IL2RA: variants seen among roughly 807,000 people sequenced by gnomAD.
IL2RA encodes the protein interleukin-2 receptor subunit alpha.
IL2RA carries 24 observed loss-of-function variants against 37.8 expected under a neutral mutation model. The ratio of observed to expected loss-of-function variants is 0.63; its 90% CI spans 0.46 to 0.89. The LOEUF is 0.89. IL2RA is among the 40% of genes least tolerant of loss of function. The pLI, the probability that IL2RA is intolerant of heterozygous loss-of-function variation, is 0.00. For synonymous variants in IL2RA, 125 were observed against 114.6 expected (o/e 1.09, Z -0.58); for missense variants, 319 against 348.6 (o/e 0.92, Z 0.68).
rs1054674715 is a variant in IL2RA at position 6,028,185 on chromosome 10, C to T, written c.65-2160G>A. Among the ~76,000 whole-genome samples, 3 of 152,004 alleles carry T rather than the reference C, an allele frequency of 2.0e-5. No individual in the cohort carries two copies. Among genetic ancestry groups the T allele is most frequent in the Non-Finnish European group, 2.9e-5 (2 of 68,026 alleles). ...AACCCAAGCAGAGTGGTTTCATTGA[C>T]GTGACATGACTGGGATTTGTGGGGT... is the stretch of plus-strand genomic sequence containing the variant. On this transcript the variant is annotated intron_variant, in intron 1 of 7. Transcript: ENST00000379959. This position sits in a 1 kb window ranked among gnomAD's most constrained non-coding sequence, Gnocchi z 4.1.
At position 6,021,650 on chromosome 10, in the gene IL2RA, C is replaced by T. The variant is rs546465474; in HGVS notation, c.411G>A (p.Glu137=). The T allele has an allele frequency of 1.2e-6, 2 of 1,614,164 alleles. No homozygotes were observed. The highest frequency in any genetic ancestry group is 2.2e-5 in the East Asian group (1 of 44,884). The change falls in exon 4 of 8, where the codon GAG becomes GAA. Residue 137 remains glutamate, a synonymous_variant. Coordinates refer to ENST00000379959, the MANE Select transcript of IL2RA (RefSeq NM_000417.3). This position sits in a 1 kb window ranked among gnomAD's most constrained non-coding sequence, Gnocchi z 4.9. ...GCCCCACCACGAAATGATAAATTCT[C>T]TCTGTGGCTTCATTTTCCCATGGTG... The part of the protein sequence containing the change: ...EPPPWENEAT[E]RIYHFVVGQM...
intron 1 of IL2RA, among the ~76,000 whole-genome samples, chr10:6,061,581 A>G (rs982982356): frequency 7.9e-5 from 12 of 152,172 alleles, no homozygotes; most frequent in Non-Finnish European, 1.8e-4. Flanking sequence ...TTATTTCCTA[A>G]GACGTAAAAG....
At chr10:6,041,589 T>C (rs1839772893) in intron 1 of IL2RA, among the ~76,000 whole-genome samples, 1 of 151,996 alleles carries the variant, frequency 6.6e-6, no homozygotes, top group Non-Finnish European at 1.5e-5. Context: ...CATAAATAAG[T>C]CCAAATGTAG....
In IL2RA at chr10:6,020,222, C is replaced by A. The variant is rs1047513021; in HGVS notation, c.584-281G>T. Among the ~76,000 whole-genome samples, 3 of 152,208 alleles carry A rather than the reference C, an allele frequency of 2.0e-5. No individual in the cohort carries two copies. The highest frequency in any genetic ancestry group is 7.2e-5 in the African/African-American group (3 of 41,454). On this transcript the variant is annotated intron_variant, in intron 4 of 7. Transcript: ENST00000379959. The surrounding 1 kb of genome is among the most constrained non-coding windows in gnomAD (Gnocchi z 5.6). ...TTTCTCCCCAGCCTCCCTCCCCAGT[C>A]CTGGTTTCCATCTGTGACTTGGAAA...
At position 6,022,128 on chromosome 10, in the gene IL2RA, C is replaced by A. The variant is rs978400721; in HGVS notation, c.368-435G>T. ...CTCAAGCCTATTTGGGCCAATGGAG[C>A]ATGAAGACCACCTTGGATTTCTGCT... On this transcript the variant is annotated intron_variant, in intron 3 of 7. Coordinates refer to ENST00000379959, the MANE Select transcript of IL2RA (RefSeq NM_000417.3). This position sits in a 1 kb window ranked among gnomAD's most constrained non-coding sequence, Gnocchi z 4.7. Among the ~76,000 whole-genome samples the A allele has an allele frequency of 1.3e-5, 2 of 152,032 alleles. No individual in the cohort carries two copies. Among genetic ancestry groups the A allele is most frequent in the Non-Finnish European group, 2.9e-5 (2 of 68,020 alleles).
intron 1 of IL2RA, among the ~76,000 whole-genome samples, chr10:6,040,543 A>G (rs972908179): frequency 4.6e-5 from 7 of 152,310 alleles, no homozygotes; most frequent in African/African-American, 1.7e-4. Context: ...ATACACTTTT[A>G]TATATAATTT....
Position 6,018,203 on chromosome 10 carries a change from G to C in IL2RA, c.728-84C>G. 1 of 1,043,806 alleles carries C rather than the reference G, an allele frequency of 9.6e-7. No homozygotes were observed. The highest frequency in any genetic ancestry group is 1.5e-6 in the Non-Finnish European group (1 of 670,148). 64.7% of individuals were successfully genotyped at this position (1,043,806 alleles called of 1,614,324 possible). A position where few individuals can be genotyped will look rare whatever the true frequency, so the allele number is the denominator to read the frequency against. Reference sequence around the variant, plus strand: ...GAGCCAGGGCCACAGGGCAGGCTGAGGACATCCCCAAAGAGCAAGGCGGAG... The same window carrying C: ...GAGCCAGGGCCACAGGGCAGGCTGACGACATCCCCAAAGAGCAAGGCGGAG... On this transcript the variant is annotated intron_variant, in intron 6 of 7. Coordinates refer to ENST00000379959, the MANE Select transcript of IL2RA (RefSeq NM_000417.3). The surrounding 1 kb of genome is among the most constrained non-coding windows in gnomAD (Gnocchi z 5.1).
chr10:6,042,398 A>G (rs376507768), intron 1 of IL2RA, among the ~76,000 whole-genome samples: 2 of 152,208 alleles, frequency 1.3e-5, no homozygotes, highest in African/African-American at 4.8e-5. Context: ...AATAGACAGT[A>G]GACACTGAAA....
rs74162096 is a variant in IL2RA, at chr10:6,021,405, G to A, written c.583+73C>T. 5.0e-6 allele frequency: 6 copies of A among 1,203,110 alleles called. No individual in the cohort carries two copies. The highest frequency in any genetic ancestry group is 2.7e-4 in the Middle Eastern group (1 of 3,688). 74.5% of individuals were successfully genotyped at this position (1,203,110 alleles called of 1,614,324 possible). On this transcript the variant is annotated intron_variant, in intron 4 of 7. Transcript: ENST00000379959. The surrounding 1 kb of genome is among the most constrained non-coding windows in gnomAD (Gnocchi z 4.9). ...AGGACCACTCTTGTCCAGCAGGAGT[G>A]GTCAGGGATTCCACTCTGGTCAGCC... is the stretch of plus-strand genomic sequence containing the variant.
In IL2RA at chr10:6,046,519, C is replaced by G. The variant is rs182479398; in HGVS notation, c.64+15569G>C. Among the ~76,000 whole-genome samples, 13 of 152,264 alleles carry G rather than the reference C, an allele frequency of 8.5e-5. No homozygotes were observed. In the East Asian group the frequency reaches 2.5e-3, roughly 29 times the overall value. On this transcript the variant is annotated intron_variant, in intron 1 of 7. Coordinates refer to ENST00000379959, the MANE Select transcript of IL2RA (RefSeq NM_000417.3). The surrounding 1 kb of genome is among the most constrained non-coding windows in gnomAD (Gnocchi z 4.8). ...GCTTACGGTTGTAGGTTACGTGGTA[C>G]CAAAAGCCCATGCCTGTGCTCCAGG...
In IL2RA at chr10:6,015,448, C is replaced by T. The variant is rs540886456; in HGVS notation, c.795-2552G>A. Among the ~76,000 whole-genome samples the T allele has an allele frequency of 2.1e-4, 32 of 152,128 alleles. No homozygotes were observed. The highest frequency in any genetic ancestry group is 4.4e-4 in the Non-Finnish European group (30 of 68,020). On this transcript the variant is annotated intron_variant, in intron 7 of 7. Transcript: ENST00000379959. This position sits in a 1 kb window ranked among gnomAD's most constrained non-coding sequence, Gnocchi z 4.9. ...GATCCTCAGAGTCTGCTCCCTGGAA[C>T]GGCAGCGTCAGTATCACCTGGGAAC...
intron 3 of IL2RA, among the ~76,000 whole-genome samples, chr10:6,023,139 C>T (rs977297002): frequency 1.3e-5 from 2 of 152,190 alleles, no homozygotes; most frequent in African/African-American, 4.8e-5. Flanking sequence ...TTTTGTGCAT[C>T]TCAGTTTCTT....
Position 6,025,303 on chromosome 10 carries a change from G to C in IL2RA, c.256+531C>G, listed in dbSNP as rs910586308. ...CAGGAGGTGGAGGTTGCAGTGATCT[G>C]AGATTGTACCACCGCACCCCAGCCT... On this transcript the variant is annotated intron_variant, in intron 2 of 7. Transcript: ENST00000379959. The surrounding 1 kb of genome is among the most constrained non-coding windows in gnomAD (Gnocchi z 4.4). Among the ~76,000 whole-genome samples, 4 of 152,144 alleles carry C rather than the reference G, an allele frequency of 2.6e-5. No homozygotes were observed. The highest frequency in any genetic ancestry group is 9.7e-5 in the African/African-American group (4 of 41,428).
At chr10:6,019,596 C>T in intron 5 of IL2RA, 97 bp from the exon 6 acceptor site, 1 of 956,554 alleles carries the variant, frequency 1.0e-6, no homozygotes, top group Admixed American at 1.7e-5. Flanking sequence ...ATGAGAAGCT[C>T]AGAGGCTGGT....
At position 6,057,026 on chromosome 10, in the gene IL2RA, G is replaced by T. The variant is rs1233151347; in HGVS notation, c.64+5062C>A. Among the ~76,000 whole-genome samples, 1 of 152,186 alleles carries T rather than the reference G, an allele frequency of 6.6e-6. No homozygotes were observed. The highest frequency in any genetic ancestry group is 1.5e-5 in the Non-Finnish European group (1 of 68,038). On this transcript the variant is annotated intron_variant, in intron 1 of 7. Transcript: ENST00000379959. The surrounding 1 kb of genome is among the most constrained non-coding windows in gnomAD (Gnocchi z 4.8). ...CAGTCCCTCAGGGCTCCCTTTCCAT[G>T]TCACCCTCATGAAGCTTTCTCTGAT...
chr10:6,035,054 A>G lies in IL2RA; in HGVS notation c.65-9029T>C, dbSNP rs920010046. ...TTGGAGGTGGGGGTGTAGGGTGGTA[A>G]ACACTCAAGGCTTAGAAATTGGGGC... On this transcript the variant is annotated intron_variant, in intron 1 of 7. Coordinates refer to ENST00000379959, the MANE Select transcript of IL2RA (RefSeq NM_000417.3). This position sits in a 1 kb window ranked among gnomAD's most constrained non-coding sequence, Gnocchi z 5.4. 6.6e-6 allele frequency among the ~76,000 whole-genome samples: 1 copy of G among 152,082 alleles called. No homozygotes were observed. The highest frequency in any genetic ancestry group is 2.4e-5 in the African/African-American group (1 of 41,404).
At position 6,022,250 on chromosome 10, in the gene IL2RA, G is replaced by A. The variant is rs897143903; in HGVS notation, c.368-557C>T. ...CAACACCAAAGCCAGGAGGAGGGAC[G>A]GGCTGAGGGAACCTCAGAGAAATGG... On this transcript the variant is annotated intron_variant, in intron 3 of 7. Transcript: ENST00000379959. This position sits in a 1 kb window ranked among gnomAD's most constrained non-coding sequence, Gnocchi z 4.7. Among the ~76,000 whole-genome samples the A allele has an allele frequency of 6.6e-6, 1 of 152,090 alleles. No homozygotes were observed. The highest frequency in any genetic ancestry group is 2.4e-5 in the African/African-American group (1 of 41,392).
In IL2RA at chr10:6,056,542, C is replaced by T. The variant is rs1215208329; in HGVS notation, c.64+5546G>A. ...CCATGCAGATGGATGGCTTGAGGCTCGGAGTTCAAGACCAGCCTACGCAAC... is the reference window on the plus strand; with the variant it reads ...CCATGCAGATGGATGGCTTGAGGCTTGGAGTTCAAGACCAGCCTACGCAAC... On this transcript the variant is annotated intron_variant, in intron 1 of 7. Coordinates refer to ENST00000379959, the MANE Select transcript of IL2RA (RefSeq NM_000417.3). This position sits in a 1 kb window ranked among gnomAD's most constrained non-coding sequence, Gnocchi z 5.0. Among the ~76,000 whole-genome samples the T allele has an allele frequency of 6.6e-6, 1 of 151,994 alleles. No homozygotes were observed. The highest frequency in any genetic ancestry group is 1.5e-5 in the Non-Finnish European group (1 of 68,010).
At chr10:6,030,268 C>G (rs1398312511) in intron 1 of IL2RA, among the ~76,000 whole-genome samples, 4 of 152,064 alleles carry the variant, frequency 2.6e-5, no homozygotes, top group African/African-American at 9.7e-5. Context: ...AATTTGATGA[C>G]AGATACTGAT....
Sources: gnomAD v4.1 joint callset for allele counts (sites outside exome capture counted in the v4.1 genomes callset) on GRCh38, gnomAD v4.1.1 for gene constraint, Gnocchi (gnomAD v3.1) non-coding constraint, MANE v1.5 for transcripts, NCBI Gene and HGNC (gene_info 2026-07-23, HGNC 2026-07-21) for gene names.